PEAK1: variants seen among roughly 807,000 people sequenced by gnomAD.
PEAK1 encodes the protein pseudopodium enriched atypical kinase 1.
Under a neutral mutation model 124.7 loss-of-function variants are expected in PEAK1, and 54 were observed. The observed-to-expected ratio is 0.43, with a 90% CI of 0.35 to 0.54. The LOEUF (loss-of-function observed/expected upper bound fraction) is 0.54. PEAK1 is among the 20% of genes least tolerant of loss of function. PEAK1 has a pLI of 0.01. For missense variants in PEAK1, 2,046 were observed against 2,134.5 expected (o/e 0.96, Z 0.82); for synonymous variants, 719 against 760.0 (o/e 0.95, Z 0.89).
At chr15:77,331,335 G>T (rs2065881412) in intron 2 of PEAK1, among the ~76,000 whole-genome samples, 1 of 151,960 alleles carries the variant, frequency 6.6e-6, no homozygotes, top group African/African-American at 2.4e-5. Context: ...TTGCCATGTT[G>T]GCCAGGCTGG....
At chr15:77,153,687 T>C (rs903645507) in intron 8 of PEAK1, among the ~76,000 whole-genome samples, 3 of 152,226 alleles carry the variant, frequency 2.0e-5, no homozygotes, top group African/African-American at 7.2e-5. Flanking sequence ...ATGTTGTGTC[T>C]TTGTTCTCAT....
intron 8 of PEAK1, among the ~76,000 whole-genome samples, chr15:77,146,607 G>C (rs930844152): frequency 6.6e-6 from 1 of 152,188 alleles, no homozygotes; most frequent in Non-Finnish European, 1.5e-5. Flanking sequence ...CAGAGTGTAT[G>C]ATTTCTTTTT....
At chr15:77,213,242 C>T (rs1218231983) in intron 6 of PEAK1, among the ~76,000 whole-genome samples, 1 of 151,994 alleles carries the variant, frequency 6.6e-6, no homozygotes, top group Non-Finnish European at 1.5e-5. Context: ...GGTCCCTATA[C>T]ACAAAGAAAT....
Position 77,129,782 on chromosome 15 carries a change from T to C in PEAK1, c.4077+3223A>G, listed in dbSNP as rs116757999. Among the ~76,000 whole-genome samples, 1,097 of 152,196 alleles carry C rather than the reference T, an allele frequency of 7.2e-3. 7 individuals carry two copies. The highest frequency in any genetic ancestry group is 0.025 in the African/African-American group (1,045 of 41,518). On this transcript the variant is annotated intron_variant, in intron 9 of 9. Transcript: ENST00000682557. The stretch of plus-strand genomic sequence containing the variant: ...TTTTGTTTGCAACATTTTAAAGAAC[T>C]TTTAGTCTCTTTAAGAGACAGTTAC...
At chr15:77,149,214 C>A (rs184889617) in intron 8 of PEAK1, among the ~76,000 whole-genome samples, 21 of 152,332 alleles carry the variant, frequency 1.4e-4, no homozygotes, top group African/African-American at 4.8e-4. Flanking sequence ...TAGTACACTG[C>A]TTCCTAAACC....
At chr15:77,414,925 C>G (rs181712895) in intron 1 of PEAK1, among the ~76,000 whole-genome samples, 1 of 152,188 alleles carries the variant, frequency 6.6e-6, no homozygotes, top group Non-Finnish European at 1.5e-5. Flanking sequence ...AGCTACAATA[C>G]TCAATATCAT....
intron 2 of PEAK1, among the ~76,000 whole-genome samples, chr15:77,345,298 G>GT (rs2066805046): frequency 6.6e-6 from 1 of 152,170 alleles, no homozygotes; most frequent in Admixed American, 6.6e-5. Context: ...GAGATAGATT[G>GT]TGTGTTTTTT....
chr15:77,306,248 G>A (rs943606943), intron 2 of PEAK1, among the ~76,000 whole-genome samples: 2 of 148,014 alleles, frequency 1.4e-5, no homozygotes, highest in African/African-American at 5.3e-5. Context: ...TAGTCAGGAA[G>A]AGTTTAAAGG....
chr15:77,181,000 A>G lies in PEAK1; in HGVS notation c.927T>C (p.Tyr309=). ...KSLQRICAVD[Y]DDSYDEILNG... Reference sequence around the variant, plus strand: ...TCAGGATTTCATCATAGCTGTCATCATAGTCCACAGCACAGATTCTCTGCA... The same window carrying G: ...TCAGGATTTCATCATAGCTGTCATCGTAGTCCACAGCACAGATTCTCTGCA... Residue 309 remains tyrosine, a synonymous_variant, in exon 7 of 10, where the codon TAT becomes TAC. Transcript: ENST00000682557. 1 of 1,614,214 alleles carries G rather than the reference A, an allele frequency of 6.2e-7. No homozygotes were observed. The highest frequency in any genetic ancestry group is 8.5e-7 in the Non-Finnish European group (1 of 1,180,022).
chr15:77,189,187 C>T (rs561453830), intron 6 of PEAK1, among the ~76,000 whole-genome samples: 15 of 152,130 alleles, frequency 9.9e-5, no homozygotes, highest in African/African-American at 3.1e-4. Context: ...GGCAACAGAG[C>T]GAGACTCTAT....
chr15:77,321,998 T>C (rs1397527278), intron 2 of PEAK1, among the ~76,000 whole-genome samples: 4 of 152,152 alleles, frequency 2.6e-5, no homozygotes, highest in Non-Finnish European at 4.4e-5. Flanking sequence ...CTCGACTACA[T>C]GGAAACGGAA....
intron 1 of PEAK1, among the ~76,000 whole-genome samples, chr15:77,413,052 CTAAT>C (rs1236526174): frequency 2.0e-5 from 3 of 152,012 alleles, no homozygotes; most frequent in Non-Finnish European, 2.9e-5. Flanking sequence ...TAGAAGAATT[CTAAT>C]TAATAAATGT....
chr15:77,361,261 A>C (rs1199484131), intron 2 of PEAK1, among the ~76,000 whole-genome samples: 1 of 152,112 alleles, frequency 6.6e-6, no homozygotes, highest in Non-Finnish European at 1.5e-5. Flanking sequence ...GGGCAACATA[A>C]CTAGACTCCA....
intron 7 of PEAK1, among the ~76,000 whole-genome samples, chr15:77,167,184 G>A (rs2056161403): frequency 6.6e-6 from 1 of 152,004 alleles, no homozygotes; most frequent in Middle Eastern, 3.2e-3. Flanking sequence ...AGCAGGAAAG[G>A]GCAAATAAAA....
At chr15:77,215,238 T>C (rs1012261627) in intron 6 of PEAK1, among the ~76,000 whole-genome samples, 2 of 152,188 alleles carry the variant, frequency 1.3e-5, no homozygotes, top group Non-Finnish European at 2.9e-5. Flanking sequence ...CCATTTTAAA[T>C]TGGGTTTGCT....
At chr15:77,205,228 G>A (rs1190501615) in intron 6 of PEAK1, 8 of 195,300 alleles carry the variant, frequency 4.1e-5, no homozygotes, top group Non-Finnish European at 6.9e-5. Flanking sequence ...AAGAAGCATG[G>A]AATCCCATCT....
chr15:77,297,117 T>C (rs1214307470), intron 2 of PEAK1, among the ~76,000 whole-genome samples: 1 of 151,912 alleles, frequency 6.6e-6, no homozygotes, highest in Non-Finnish European at 1.5e-5. Flanking sequence ...CAAGTTTAGA[T>C]GATTTGTATT....
chr15:77,149,611 C>A (rs1475640488), intron 8 of PEAK1, among the ~76,000 whole-genome samples: 1 of 152,032 alleles, frequency 6.6e-6, no homozygotes. Context: ...AAAACAAAAC[C>A]CCCTTAGCTT....
intron 2 of PEAK1, among the ~76,000 whole-genome samples, chr15:77,300,563 G>C (rs985319661): frequency 6.6e-6 from 1 of 152,044 alleles, no homozygotes; most frequent in Non-Finnish European, 1.5e-5. Flanking sequence ...CTCCAATTAC[G>C]AACATTTTAC....
Sources: gnomAD v4.1 joint callset for allele counts (sites outside exome capture counted in the v4.1 genomes callset) on GRCh38, gnomAD v4.1.1 for gene constraint, MANE v1.5 for transcripts, NCBI Gene and HGNC (gene_info 2026-07-23, HGNC 2026-07-21) for gene names.